The following CDH4 variants were observed in gnomAD, a reference collection of about 807,000 sequenced individuals.
CDH4 encodes cadherin-4.
In CDH4, 33 loss-of-function variants were observed where a neutral mutation model predicts 86.0. That is an observed-to-expected ratio of 0.38 (90% CI 0.29 to 0.51). The LOEUF (loss-of-function observed/expected upper bound fraction) is 0.51. CDH4 is among the 20% of genes least tolerant of loss of function. The pLI, the probability that CDH4 is intolerant of heterozygous loss-of-function variation, is 0.86. For missense variants in CDH4, 1,114 were observed against 1,307.4 expected, an observed-to-expected ratio of 0.85 and a Z score of 2.28; for synonymous variants, 555 against 549.4, an observed-to-expected ratio of 1.01 and a Z score of -0.14.
In CDH4 at chr20:61,708,029, C is replaced by A. The variant is rs2087850826; in HGVS notation, c.170-35534C>A. 6.6e-6 allele frequency among the ~76,000 whole-genome samples: 1 copy of A among 152,164 alleles called. No individual in the cohort carries two copies. Among genetic ancestry groups the A allele is most frequent in the Non-Finnish European group, 1.5e-5 (1 of 68,030 alleles). On this transcript the variant is annotated intron_variant, in intron 2 of 15. Coordinates refer to ENST00000614565, the MANE Select transcript of CDH4 (RefSeq NM_001794.5). This position sits in a 1 kb window ranked among gnomAD's most constrained non-coding sequence, Gnocchi z 4.5. ...ACAGTGGAGTTTGCATCCACCAGTG[C>A]TGAGGAGAGGAGGCAGCCCAGCTGG...
chr20:61,518,192 C>A lies in CDH4; in HGVS notation c.170-225371C>A, dbSNP rs904126553. Among the ~76,000 whole-genome samples the A allele has an allele frequency of 3.3e-5, 5 of 152,188 alleles. No individual in the cohort carries two copies. Among genetic ancestry groups the A allele is most frequent in the Non-Finnish European group, 5.9e-5 (4 of 68,018 alleles). ...GTGGGTGTTTATTCTGCCATCATCC[C>A]TTTATCGAACACCACCAGTTCCTAG... On this transcript the variant is annotated intron_variant, in intron 2 of 15. Coordinates refer to ENST00000614565, the MANE Select transcript of CDH4 (RefSeq NM_001794.5). The surrounding 1 kb of genome is among the most constrained non-coding windows in gnomAD (Gnocchi z 6.3).
rs556050683 is a variant in CDH4, at chr20:61,773,564, T to A, written c.576+382T>A. 3.3e-5 allele frequency among the ~76,000 whole-genome samples: 5 copies of A among 152,330 alleles called. No homozygotes were observed. The East Asian group carries it at 7.7e-4, about 24-fold the overall frequency. On this transcript the variant is annotated intron_variant, in intron 4 of 15. Coordinates refer to ENST00000614565, the MANE Select transcript of CDH4 (RefSeq NM_001794.5). ...GATGGGGTGGTGCCATGACGATCCCTGCGCCGAGGCCAGCGTGCGCCGTGC... is the reference window on the plus strand; with the variant it reads ...GATGGGGTGGTGCCATGACGATCCCAGCGCCGAGGCCAGCGTGCGCCGTGC...
intron 2 of CDH4, among the ~76,000 whole-genome samples, chr20:61,487,285 C>A (rs1449434512): frequency 6.6e-6 from 1 of 152,018 alleles, no homozygotes; most frequent in Non-Finnish European, 1.5e-5. Context: ...GGGAAGGGGG[C>A]TTCGTGGGCT....
intron 2 of CDH4, among the ~76,000 whole-genome samples, chr20:61,578,756 A>G (rs1239900841): frequency 6.6e-6 from 1 of 152,166 alleles, no homozygotes. Flanking sequence ...ATGAGCTAAC[A>G]TCACTAAAAA....
chr20:61,613,979 C>G (rs553210043), intron 2 of CDH4, among the ~76,000 whole-genome samples: 1 of 152,060 alleles, frequency 6.6e-6, no homozygotes, highest in Non-Finnish European at 1.5e-5. Context: ...GTGACTAAGT[C>G]TCTGGTGCAG....
intron 3 of CDH4, among the ~76,000 whole-genome samples, chr20:61,757,517 G>A (rs927087409): frequency 2.6e-5 from 4 of 152,236 alleles, no homozygotes; most frequent in Non-Finnish European, 5.9e-5. Flanking sequence ...GTCAGCTGCA[G>A]GGGCGGCCCC....
intron 9 of CDH4, among the ~76,000 whole-genome samples, chr20:61,922,473 A>G (rs1173902610): frequency 6.6e-6 from 1 of 152,242 alleles, no homozygotes; most frequent in Non-Finnish European, 1.5e-5. Context: ...TGCAGCAGTG[A>G]TGGGAACTGC....
At chr20:61,790,158 A>G (rs1979094166) in intron 4 of CDH4, among the ~76,000 whole-genome samples, 1 of 151,448 alleles carries the variant, frequency 6.6e-6, no homozygotes, top group Non-Finnish European at 1.5e-5. Flanking sequence ...ACACCCACCC[A>G]TCTACCCATC....
chr20:61,705,015 C>T (rs1022345926), intron 2 of CDH4, among the ~76,000 whole-genome samples: 13 of 152,268 alleles, frequency 8.5e-5, no homozygotes, highest in African/African-American at 2.6e-4. Context: ...GACCCAGGAA[C>T]GCGTTGGGGC....
intron 2 of CDH4, among the ~76,000 whole-genome samples, chr20:61,545,900 TGTGTGTGTGGAGGG>T (rs2086076466): frequency 1.8e-5 from 2 of 111,746 alleles, no homozygotes; most frequent in Admixed American, 1.8e-4. Flanking sequence ...TGTTCGTATG[TGTGTGTGTGGAGGG>T]GTGTGTGTGC....
chr20:61,405,004 C>G (rs752222989), intron 2 of CDH4, among the ~76,000 whole-genome samples: 2 of 152,148 alleles, frequency 1.3e-5, no homozygotes, highest in Admixed American at 6.5e-5. Flanking sequence ...GAGCTGAGAT[C>G]GCGCCCCCGC....
chr20:61,873,996 G>A (rs1276749365), intron 7 of CDH4, 96 bp downstream of exon 7: 57 of 1,348,778 alleles, frequency 4.2e-5, no homozygotes, highest in Middle Eastern at 1.9e-4. Flanking sequence ...TGGCGCCGTC[G>A]GGGAGTGATC....
chr20:61,546,061 ATGTGTGGAGGGGGTTTGTTCACACGTGTG>A (rs2086080580), intron 2 of CDH4, among the ~76,000 whole-genome samples: 2 of 632 alleles, frequency 3.2e-3, no homozygotes, highest in Non-Finnish European at 3.3e-3. Context: ...CTGTCTGTGC[ATGTGTGGAGGGGGTTTGTTCACACGTGTG>A]TGTGTGGAGG....
At chr20:61,481,614 T>C (rs2085568590) in intron 2 of CDH4, among the ~76,000 whole-genome samples, 1 of 152,210 alleles carries the variant, frequency 6.6e-6, no homozygotes, top group Admixed American at 6.5e-5. Flanking sequence ...TGTGCAAGCT[T>C]TGAGGAAGCA....
At chr20:61,704,723 G>A (rs1161283663) in intron 2 of CDH4, among the ~76,000 whole-genome samples, 13 of 152,178 alleles carry the variant, frequency 8.5e-5, no homozygotes, top group African/African-American at 2.4e-5. Context: ...GGTGTCAGCC[G>A]GGATGTCTGA....
intron 2 of CDH4, among the ~76,000 whole-genome samples, chr20:61,483,929 T>A (rs2085581801): frequency 6.6e-6 from 1 of 152,196 alleles, no homozygotes. Context: ...TCTTTCCCTT[T>A]CGCTCCTGTC....
intron 9 of CDH4, among the ~76,000 whole-genome samples, chr20:61,920,529 C>T (rs890296875): frequency 6.9e-6 from 1 of 143,988 alleles, no homozygotes; most frequent in African/African-American, 2.6e-5. Context: ...AGTGTGGTGT[C>T]GTGATGATTG....
chr20:61,688,793 G>A (rs537637377), intron 2 of CDH4, among the ~76,000 whole-genome samples: 1 of 152,182 alleles, frequency 6.6e-6, no homozygotes, highest in Non-Finnish European at 1.5e-5. Flanking sequence ...TGTTTTTTCT[G>A]ATAACACAAG....
intron 4 of CDH4, among the ~76,000 whole-genome samples, chr20:61,790,756 C>T (rs1979139839): frequency 6.6e-6 from 1 of 151,208 alleles, no homozygotes; most frequent in African/African-American, 2.4e-5. Flanking sequence ...ATCCATTTAT[C>T]TATCCATCTA....
Sources: gnomAD v4.1 joint callset for allele counts (sites outside exome capture counted in the v4.1 genomes callset) on GRCh38, gnomAD v4.1.1 for gene constraint, Gnocchi (gnomAD v3.1) non-coding constraint, MANE v1.5 for transcripts, NCBI Gene and HGNC (gene_info 2026-07-23, HGNC 2026-07-21) for gene names.